ACAD11: variants seen among roughly 807,000 people sequenced by gnomAD.
ACAD11 encodes acyl-Coenzyme A dehydrogenase family, member 11.
In ACAD11, 83 loss-of-function variants were observed where a neutral mutation model predicts 102.2. The ratio of observed to expected loss-of-function variants is 0.81; its 90% CI spans 0.68 to 0.97. The LOEUF (loss-of-function observed/expected upper bound fraction) is 0.97, where lower values mean the gene tolerates loss of function less well. Ranked by LOEUF, ACAD11 falls within the 50% of genes least tolerant of loss-of-function variation. The pLI is 0.00. For synonymous variants in ACAD11, 324 were observed against 319.8 expected (o/e 1.01, Z -0.14); for missense variants, 901 against 951.7 (o/e 0.95, Z 0.70).
chr3:132,590,047 T>C (rs1938010525), intron 13 of ACAD11, among the ~76,000 whole-genome samples: 1 of 152,262 alleles, frequency 6.6e-6, no homozygotes, highest in Non-Finnish European at 1.5e-5. Context: ...CTCATTCTTT[T>C]TAATGACTGC....
intron 13 of ACAD11, among the ~76,000 whole-genome samples, chr3:132,597,659 C>T (rs1048464520): frequency 6.6e-6 from 1 of 151,532 alleles, no homozygotes; most frequent in African/African-American, 2.4e-5. Context: ...CACTTAAAAG[C>T]GTGTCTATAT....
At chr3:132,659,433 G>A (rs1576634335) in intron 1 of ACAD11, 170 bp downstream of exon 1, 1 of 854,494 alleles carries the variant, frequency 1.2e-6, no homozygotes, top group East Asian at 3.0e-5. Flanking sequence ...GAAGCCCCCA[G>A]CATCGAATTC....
At chr3:132,630,652 T>A in intron 6 of ACAD11, 94 bp from the exon 7 acceptor site, 1 of 1,104,546 alleles carries the variant, frequency 9.1e-7, no homozygotes, top group South Asian at 1.7e-5. Context: ...TAAAACGGAA[T>A]GTAATAACCA....
intron 17 of ACAD11, among the ~76,000 whole-genome samples, chr3:132,567,140 G>T (rs573463483): frequency 1.3e-5 from 2 of 152,034 alleles, no homozygotes; most frequent in Admixed American, 6.6e-5. Context: ...CACCATACCC[G>T]GCTAATTTTT....
In ACAD11 at chr3:132,593,131, TAAATG is replaced by T. The variant is rs1559945369; in HGVS notation, c.1621+10093_1621+10097del. On this transcript the variant is annotated intron_variant, in intron 13 of 19. Transcript: ENST00000264990. ...AAAGGATTTTAAAACTTAAAAATGA[TAAATG>T]AAATCAAAATCAGACAAAGATCAAT... 9.2e-5 allele frequency among the ~76,000 whole-genome samples: 14 copies of T among 151,998 alleles called. No homozygotes were observed. The South Asian group carries it at 2.9e-3, about 32-fold the overall frequency.
chr3:132,587,180 A>C (rs1299034870), intron 13 of ACAD11, among the ~76,000 whole-genome samples: 1 of 152,220 alleles, frequency 6.6e-6, no homozygotes, highest in African/African-American at 2.4e-5. Flanking sequence ...AAACACATTT[A>C]TTTTATATCA....
At chr3:132,643,268 C>T (rs1488806623) in intron 2 of ACAD11, among the ~76,000 whole-genome samples, 1 of 152,136 alleles carries the variant, frequency 6.6e-6, no homozygotes, top group Non-Finnish European at 1.5e-5. Context: ...AGGAAAAGTA[C>T]CTGCTCCTTC....
chr3:132,615,035 G>A (rs903083515), intron 11 of ACAD11, among the ~76,000 whole-genome samples: 4 of 152,052 alleles, frequency 2.6e-5, no homozygotes, highest in African/African-American at 9.7e-5. Flanking sequence ...GACACTTCTC[G>A]AAAGAAGACA....
Position 132,578,786 on chromosome 3 carries a change from G to A in ACAD11, c.1774+10C>T. Reference sequence around the variant, plus strand: ...TTGCTAATGCATGGTCATATTTATTGGATACCTACCTGTGTAGCCAAAAAC... The same window carrying A: ...TTGCTAATGCATGGTCATATTTATTAGATACCTACCTGTGTAGCCAAAAAC... On this transcript the variant is annotated intron_variant, in intron 15 of 19. Coordinates refer to ENST00000264990, the MANE Select transcript of ACAD11 (RefSeq NM_032169.5). The A allele has an allele frequency of 1.2e-6, 2 of 1,611,102 alleles. No homozygotes were observed. The highest frequency in any genetic ancestry group is 1.7e-6 in the Non-Finnish European group (2 of 1,178,850).
In ACAD11 at chr3:132,630,378, C is replaced by A. The variant is rs373559977; in HGVS notation, c.963+59G>T. The A allele has an allele frequency of 2.0e-6, 3 of 1,488,276 alleles. No homozygotes were observed. The African/African-American group carries it at 4.3e-5, about 21-fold the overall frequency. 92.2% of individuals were successfully genotyped at this position (1,488,276 alleles called of 1,614,324 possible). ...ATATAAAACCCGGAAGACTGGAAAA[C>A]ATTGTCAACAGTACACTGGTAAATA... On this transcript the variant is annotated intron_variant, in intron 7 of 19. Coordinates refer to ENST00000264990, the MANE Select transcript of ACAD11 (RefSeq NM_032169.5).
chr3:132,625,156 CA>C (rs1939765095), intron 9 of ACAD11, among the ~76,000 whole-genome samples: 1 of 152,180 alleles, frequency 6.6e-6, no homozygotes. Context: ...AAGCCAATCA[CA>C]GTGGACTCCA....
At chr3:132,568,353 T>C (rs186544679) in intron 17 of ACAD11, among the ~76,000 whole-genome samples, 1 of 152,298 alleles carries the variant, frequency 6.6e-6, no homozygotes, top group African/African-American at 2.4e-5. Flanking sequence ...TGCTGAAAAC[T>C]ACACACAGAT....
chr3:132,558,950 G>GA lies in ACAD11; in HGVS notation c.*20dup, dbSNP rs1559926644. ...TATAAAGGAGAGTTTCTGCCAGTGG[G>GA]ATGTGGCAGTGCCACCCTCCTTATA... is the stretch of plus-strand genomic sequence containing the variant. On this transcript the variant is annotated 3_prime_UTR_variant, in exon 20 of 20. Coordinates refer to ENST00000264990, the MANE Select transcript of ACAD11 (RefSeq NM_032169.5). 1 of 1,560,568 alleles carries GA rather than the reference G, an allele frequency of 6.4e-7. No homozygotes were observed. Among genetic ancestry groups the GA allele is most frequent in the East Asian group, 2.2e-5 (1 of 44,504 alleles).
At chr3:132,641,698 G>GGAAGAGGAAGAA (rs781004918) in intron 4 of ACAD11, among the ~76,000 whole-genome samples, 47 of 116,658 alleles carry the variant, frequency 4.0e-4, no homozygotes, top group African/African-American at 1.4e-3. Flanking sequence ...AAGAGGAAGA[G>GGAAGAGGAAGAA]GAAGAAGAAG....
chr3:132,626,696 C>A lies in ACAD11; in HGVS notation c.1192G>T (p.Glu398Ter). ...TCTGCTTATATAATACTCACCTTTT[C>A]AGCTGGAAGAATGTGTTGTTTCATG... ...HFMKQHILPAEKEVTEFYVQN... is the reference protein window; with the variant it reads ...HFMKQHILPA Residue 398 changes from glutamate (E) to a stop codon, truncating the protein, a stop_gained, in exon 9 of 20, where the codon GAA becomes TAA. Coordinates refer to ENST00000264990, the MANE Select transcript of ACAD11 (RefSeq NM_032169.5). LOFTEE classifies it high-confidence loss of function. 6.2e-7 allele frequency: 1 copy of A among 1,613,458 alleles called. No homozygotes were observed. Among genetic ancestry groups the A allele is most frequent in the South Asian group, 1.1e-5 (1 of 91,042 alleles).
chr3:132,637,730 A>ATT (rs1940325065), intron 5 of ACAD11, among the ~76,000 whole-genome samples: 1 of 152,178 alleles, frequency 6.6e-6, no homozygotes, highest in South Asian at 2.1e-4. Flanking sequence ...ATACTTGCCC[A>ATT]AACATGCTTT....
Position 132,578,852 on chromosome 3 carries a change from G to A in ACAD11, c.1718C>T (p.Pro573Leu). 1 of 1,612,846 alleles carries A rather than the reference G, an allele frequency of 6.2e-7. No homozygotes were observed. The highest frequency in any genetic ancestry group is 8.5e-7 in the Non-Finnish European group (1 of 1,179,324). Reference sequence around the variant, plus strand: ...TATTTTTACTCCAGGTGTGTTCATGGGAACAAGAATCATGCTGTGCTGTTT... The same window carrying A: ...TATTTTTACTCCAGGTGTGTTCATGAGAACAAGAATCATGCTGTGCTGTTT... The part of the protein sequence containing the change: ...RHKQHSMILV[P>L]MNTPGVKIIR... The change falls in exon 15 of 20, where the codon CCC becomes CTC. Residue 573 changes from proline to leucine, a missense_variant. Physicochemically the swap from Pro to Leu is moderately conservative, Grantham distance 98. Transcript: ENST00000264990.
chr3:132,624,495 C>G (rs1939733343), intron 9 of ACAD11, among the ~76,000 whole-genome samples: 3 of 150,448 alleles, frequency 2.0e-5, no homozygotes, highest in Admixed American at 2.0e-4. Context: ...GTCCCAGCTA[C>G]TTGGGAGGCT....
intron 6 of ACAD11, 67 bp downstream of exon 6, chr3:132,631,269 ATATTT>A: frequency 1.1e-6 from 1 of 929,450 alleles, no homozygotes; most frequent in South Asian, 4.6e-5. Flanking sequence ...TGCAAGATTT[ATATTT>A]TAATTATGAA....
Sources: gnomAD v4.1 joint callset for allele counts (sites outside exome capture counted in the v4.1 genomes callset) on GRCh38, gnomAD v4.1.1 for gene constraint, MANE v1.5 for transcripts, NCBI Gene and HGNC (gene_info 2026-07-23, HGNC 2026-07-21) for gene names.